DOCK2: variants seen among roughly 807,000 people sequenced by gnomAD.
DOCK2 encodes the protein dedicator of cytokinesis 2.
DOCK2 carries 87 observed loss-of-function variants against 248.9 expected under a neutral mutation model. That is an observed-to-expected ratio of 0.35 (90% confidence interval 0.29 to 0.42). The LOEUF is 0.42. Ranked by LOEUF, DOCK2 falls within the 10% of genes least tolerant of loss-of-function variation. The probability of loss-of-function intolerance (pLI) is 1.00; values close to 1 mark genes in which losing one functional copy is unlikely to be tolerated. For missense variants in DOCK2, 1,747 were observed against 2,300.2 expected (o/e 0.76, Z 4.92); for synonymous variants, 805 against 821.6 (o/e 0.98, Z 0.35).
intron 30 of DOCK2, among the ~76,000 whole-genome samples, chr5:170,004,848 A>G (rs1353120123): frequency 6.7e-6 from 1 of 148,410 alleles, no homozygotes; most frequent in African/African-American, 2.5e-5. Context: ...ATTCTCACTC[A>G]TAGGTGGGAA....
intron 36 of DOCK2, 69 bp downstream of exon 36, chr5:170,036,624 C>G (rs1756332812): frequency 1.4e-6 from 2 of 1,466,594 alleles, no homozygotes; most frequent in Non-Finnish European, 1.9e-6. Context: ...ATCGATGGCT[C>G]CCTGCTGCCT....
chr5:169,676,438 A>G (rs1182844619), intron 6 of DOCK2, among the ~76,000 whole-genome samples: 3 of 152,152 alleles, frequency 2.0e-5, no homozygotes, highest in Admixed American at 2.0e-4. Flanking sequence ...TCTGACCTAT[A>G]GCCCTGTGCT....
chr5:169,880,261 T>C (rs1424161371), intron 27 of DOCK2, among the ~76,000 whole-genome samples: 1 of 152,200 alleles, frequency 6.6e-6, no homozygotes, highest in Non-Finnish European at 1.5e-5. Flanking sequence ...TGTAAGGAGC[T>C]GATGGGTTCA....
At chr5:169,638,670 A>G (rs1756982118) in intron 1 of DOCK2, among the ~76,000 whole-genome samples, 1 of 152,186 alleles carries the variant, frequency 6.6e-6, no homozygotes, top group South Asian at 2.1e-4. Context: ...AGACACCAGC[A>G]CCAAGATGCA....
chr5:169,777,077 G>T (rs1398574154), intron 25 of DOCK2, among the ~76,000 whole-genome samples: 1 of 152,092 alleles, frequency 6.6e-6, no homozygotes, highest in Non-Finnish European at 1.5e-5. Flanking sequence ...CTTATTATTT[G>T]TTTACCATTG....
At position 169,961,665 on chromosome 5, in the gene DOCK2, G is replaced by A. The variant is rs141147002; in HGVS notation, c.2800-21403G>A. Among the ~76,000 whole-genome samples the A allele has an allele frequency of 2.1e-3, 327 of 152,192 alleles. 1 individual carries two copies. Among genetic ancestry groups the A allele is most frequent in the African/African-American group, 7.6e-3 (317 of 41,538 alleles). ...TTGTGACAAGTGCTAAGAAGGACAA[G>A]TATAAAGTTTTTTAAGAAGAATAGA... On this transcript the variant is annotated intron_variant, in intron 27 of 51. Transcript: ENST00000520908.
At chr5:169,808,433 A>T (rs1114034) in intron 26 of DOCK2, among the ~76,000 whole-genome samples, 1 of 151,962 alleles carries the variant, frequency 6.6e-6, no homozygotes, top group East Asian at 1.9e-4. Flanking sequence ...GGTAGGACTC[A>T]GGGGGAGATG....
intron 29 of DOCK2, among the ~76,000 whole-genome samples, chr5:169,987,804 G>T (rs1032053204): frequency 9.2e-5 from 14 of 152,046 alleles, no homozygotes; most frequent in African/African-American, 3.4e-4. Flanking sequence ...ATCTCTTAAG[G>T]GTCAGCCAAG....
At chr5:169,987,714 A>G (rs1778103347) in intron 29 of DOCK2, among the ~76,000 whole-genome samples, 1 of 152,236 alleles carries the variant, frequency 6.6e-6, no homozygotes, top group Non-Finnish European at 1.5e-5. Context: ...TTATTTCTTT[A>G]TACCTAGAAA....
intron 27 of DOCK2, among the ~76,000 whole-genome samples, chr5:169,856,792 G>A (rs1770921297): frequency 6.6e-6 from 1 of 152,188 alleles, no homozygotes. Flanking sequence ...TGGTTCATGA[G>A]CAAGAAGGCT....
At chr5:170,032,534 T>A (rs568891538) in intron 34 of DOCK2, among the ~76,000 whole-genome samples, 2 of 152,288 alleles carry the variant, frequency 1.3e-5, no homozygotes, top group South Asian at 4.1e-4. Flanking sequence ...AGATGTCTCC[T>A]GCCCTGGAAA....
rs564978470 is a variant in DOCK2 at position 169,764,844 on chromosome 5, T to G, written c.2554+3219T>G. Reference sequence around the variant, plus strand: ...GCTCTCCATTCTGACTTTGAACGTGTTTGTTGTTGTTGTTGTTGTTGTTGT... The same window carrying G: ...GCTCTCCATTCTGACTTTGAACGTGGTTGTTGTTGTTGTTGTTGTTGTTGT... On this transcript the variant is annotated intron_variant, in intron 25 of 51. Transcript: ENST00000520908. This position sits in a 1 kb window ranked among gnomAD's most constrained non-coding sequence, Gnocchi z 4.3. Among the ~76,000 whole-genome samples, 2 of 150,950 alleles carry G rather than the reference T, an allele frequency of 1.3e-5. No individual in the cohort carries two copies. The highest frequency in any genetic ancestry group is 2.9e-5 in the Non-Finnish European group (2 of 67,860).
At chr5:169,866,399 C>A (rs773598295) in intron 27 of DOCK2, among the ~76,000 whole-genome samples, 52 of 152,216 alleles carry the variant, frequency 3.4e-4, no homozygotes, top group Admixed American at 7.9e-4. Flanking sequence ...CACTTCCAGG[C>A]TATGGTGTCC....
In DOCK2 at chr5:169,944,297, C is replaced by T. The variant is rs1230924615; in HGVS notation, c.2800-38771C>T. Reference sequence around the variant, plus strand: ...CACAGAGGTGTCTGAAAGGTGATGACGGCAGTGTGGCCGGCACCTCAGAAC... The same window carrying T: ...CACAGAGGTGTCTGAAAGGTGATGATGGCAGTGTGGCCGGCACCTCAGAAC... On this transcript the variant is annotated intron_variant, in intron 27 of 51. Coordinates refer to ENST00000520908, the MANE Select transcript of DOCK2 (RefSeq NM_004946.3). 2.6e-5 allele frequency among the ~76,000 whole-genome samples: 4 copies of T among 152,298 alleles called. 1 individual carries two copies. The highest frequency in any genetic ancestry group is 6.5e-5 in the Admixed American group (1 of 15,296).
intron 1 of DOCK2, among the ~76,000 whole-genome samples, chr5:169,640,690 T>C (rs572666710): frequency 1.1e-4 from 17 of 152,332 alleles, no homozygotes; most frequent in Non-Finnish European, 2.5e-4. Context: ...TTGTGCAGGT[T>C]CATCTTGGAG....
intron 22 of DOCK2, among the ~76,000 whole-genome samples, chr5:169,734,993 G>A (rs1226888808): frequency 6.6e-6 from 1 of 152,138 alleles, no homozygotes; most frequent in Non-Finnish European, 1.5e-5. Flanking sequence ...TTACTTTCTT[G>A]ACAGTTTAGT....
At chr5:169,649,957 C>T (rs1008000870) in intron 1 of DOCK2, among the ~76,000 whole-genome samples, 1 of 152,208 alleles carries the variant, frequency 6.6e-6, no homozygotes, top group African/African-American at 2.4e-5. Context: ...GTGTACCCCA[C>T]CACACTTGGT....
chr5:169,730,699 A>C (rs546234491), intron 22 of DOCK2, among the ~76,000 whole-genome samples: 1 of 152,296 alleles, frequency 6.6e-6, no homozygotes, highest in African/African-American at 2.4e-5. Flanking sequence ...TGTTTCCTCA[A>C]ATCAGTGAAC....
chr5:169,805,609 A>AT (rs1196089991), intron 26 of DOCK2, among the ~76,000 whole-genome samples: 2 of 152,144 alleles, frequency 1.3e-5, no homozygotes, highest in Non-Finnish European at 2.9e-5. Flanking sequence ...GTTCACAGTT[A>AT]TTTGTGAAGT....
Sources: gnomAD v4.1 joint callset for allele counts (sites outside exome capture counted in the v4.1 genomes callset) on GRCh38, gnomAD v4.1.1 for gene constraint, Gnocchi (gnomAD v3.1) non-coding constraint, MANE v1.5 for transcripts, NCBI Gene and HGNC (gene_info 2026-07-23, HGNC 2026-07-21) for gene names.